Variants in ROBO2 observed in about 807,000 individuals in gnomAD.
The protein encoded by ROBO2 is roundabout homolog 2.
A neutral mutation model predicts 160.8 loss-of-function variants in ROBO2; 53 were observed. That is an observed-to-expected ratio of 0.33 (90% confidence interval 0.26 to 0.41). ROBO2 has a LOEUF of 0.41. Among genes scored for constraint, ROBO2 ranks in the 10% least tolerant of loss-of-function variants. The probability of loss-of-function intolerance (pLI) is 1.00; values close to 1 mark genes in which losing one functional copy is unlikely to be tolerated. For synonymous variants in ROBO2, 664 were observed against 611.7 expected, an observed-to-expected ratio of 1.09 and a Z score of -1.26; for missense variants, 1,577 against 1,722.4, an observed-to-expected ratio of 0.92 and a Z score of 1.49.
At chr3:76,990,524 T>C (rs1472644800) in intron 2 of ROBO2, among the ~76,000 whole-genome samples, 1 of 152,142 alleles carries the variant, frequency 6.6e-6, no homozygotes, top group African/African-American at 2.4e-5. Context: ...ATAACAGCCA[T>C]TGGAACTGTT....
At chr3:76,498,153 G>C (rs887935541) in intron 2 of ROBO2, among the ~76,000 whole-genome samples, 1 of 152,110 alleles carries the variant, frequency 6.6e-6, no homozygotes, top group African/African-American at 2.4e-5. Flanking sequence ...TTCAAAAAGT[G>C]TATATGTACT....
At chr3:77,502,495 ATTCTT>A (rs1400822220) in intron 5 of ROBO2, among the ~76,000 whole-genome samples, 1 of 152,152 alleles carries the variant, frequency 6.6e-6, no homozygotes, top group Non-Finnish European at 1.5e-5. Flanking sequence ...TTTAACTTGT[ATTCTT>A]TTCTTCTCAA....
intron 2 of ROBO2, among the ~76,000 whole-genome samples, chr3:76,513,259 C>G (rs1035641691): frequency 9.2e-5 from 14 of 152,206 alleles, no homozygotes; most frequent in Admixed American, 2.6e-4. Flanking sequence ...TTCTGTACCA[C>G]TCTCTTGTTT....
chr3:76,688,056 T>A (rs1207833106), intron 2 of ROBO2, among the ~76,000 whole-genome samples: 1 of 152,056 alleles, frequency 6.6e-6, no homozygotes, highest in Non-Finnish European at 1.5e-5. Context: ...AAATACTTCA[T>A]AAAGAAATTA....
intron 2 of ROBO2, among the ~76,000 whole-genome samples, chr3:76,106,013 A>G (rs2069912073): frequency 6.6e-6 from 1 of 152,140 alleles, no homozygotes; most frequent in Non-Finnish European, 1.5e-5. Flanking sequence ...ACACCATTTC[A>G]TTTCAGGTTA....
chr3:77,067,409 CA>C (rs1342712431), intron 1 of ROBO2, among the ~76,000 whole-genome samples: 1 of 152,128 alleles, frequency 6.6e-6, no homozygotes, highest in Non-Finnish European at 1.5e-5. Flanking sequence ...GTTAAGTCAG[CA>C]GACAACTGTG....
intron 2 of ROBO2, among the ~76,000 whole-genome samples, chr3:76,882,977 T>C (rs2073509423): frequency 6.6e-6 from 1 of 152,190 alleles, no homozygotes; most frequent in Admixed American, 6.5e-5. Context: ...GCGTTACTTG[T>C]ATCTGTAAAA....
chr3:76,629,911 A>G (rs9854874), intron 2 of ROBO2, among the ~76,000 whole-genome samples: 3,802 of 152,202 alleles, frequency 0.025, 160 homozygotes, highest in African/African-American at 0.087. Context: ...AGAATTCTGG[A>G]GGTTGCCAAT....
intron 2 of ROBO2, among the ~76,000 whole-genome samples, chr3:76,289,364 T>A (rs556657222): frequency 3.9e-5 from 6 of 152,332 alleles, no homozygotes; most frequent in Middle Eastern, 3.4e-3. Flanking sequence ...GCCTGCTAAT[T>A]TAAGTTCCTT....
At chr3:76,055,459 T>A (rs2067808070) in intron 2 of ROBO2, among the ~76,000 whole-genome samples, 5 of 152,182 alleles carry the variant, frequency 3.3e-5, no homozygotes, top group Admixed American at 3.3e-4. Context: ...GTGAACATTA[T>A]ACTCAATAGG....
chr3:76,550,344 AAGTAGT>A, intron 2 of ROBO2, among the ~76,000 whole-genome samples: 1 of 44,788 alleles, frequency 2.2e-5, no homozygotes, highest in South Asian at 8.0e-4. Flanking sequence ...TAGCCAATAA[AAGTAGT>A]CAGCCCTCTG....
At position 76,149,834 on chromosome 3, in the gene ROBO2, C is replaced by T. The variant is rs111661057; in HGVS notation, c.109+212232C>T. Among the ~76,000 whole-genome samples, 2,781 of 139,864 alleles carry T rather than the reference C, an allele frequency of 0.02. 173 individuals carry two copies. The East Asian group carries it at 0.21, about 11-fold the overall frequency. The allele number at this position is 139,864 out of a possible 152,430, so 91.8% of individuals were successfully genotyped here. A position where few individuals can be genotyped will look rare whatever the true frequency, so the allele number is the denominator to read the frequency against. ...CTAAAGCACACATCTGTCTAAAACACACATCTGTCTAAAGCACACATCATA... is the reference window on the plus strand; with the variant it reads ...CTAAAGCACACATCTGTCTAAAACATACATCTGTCTAAAGCACACATCATA... On this transcript the variant is annotated intron_variant, in intron 2 of 26. Transcript: ENST00000487694.
At chr3:77,293,422 G>A (rs1396640040) in intron 2 of ROBO2, among the ~76,000 whole-genome samples, 1 of 149,418 alleles carries the variant, frequency 6.7e-6, no homozygotes, top group Non-Finnish European at 1.5e-5. Flanking sequence ...GGTTAAACGG[G>A]TAAGCTGAGG....
rs372714745 is a variant in ROBO2, at chr3:77,409,381, A to G, written c.389-68033A>G. On this transcript the variant is annotated intron_variant, in intron 2 of 25. Coordinates refer to ENST00000461745, the Ensembl canonical transcript of ROBO2. Reference sequence around the variant, plus strand: ...TCATTTTGATTCTATAGGCTTTAAAATTAAATCAAACTCTAGGTAGCATTG... The same window carrying G: ...TCATTTTGATTCTATAGGCTTTAAAGTTAAATCAAACTCTAGGTAGCATTG... Among the ~76,000 whole-genome samples, 25 of 152,254 alleles carry G rather than the reference A, an allele frequency of 1.6e-4. No homozygotes were observed. In the South Asian group the frequency reaches 2.3e-3, roughly 14 times the overall value.
chr3:76,082,372 A>G (rs2068864884), intron 2 of ROBO2, among the ~76,000 whole-genome samples: 1 of 152,114 alleles, frequency 6.6e-6, no homozygotes, highest in African/African-American at 2.4e-5. Context: ...AAGTTATGCT[A>G]TATGTAGAGA....
Position 77,234,497 on chromosome 3 carries a change from CACAG to C in ROBO2, c.388+136161_388+136164del, listed in dbSNP as rs2087667742. ...GAAAAGAATACAATTAGGTGAATCG[CACAG>C]ACAATCTGCTTTTTTTTCAGCAATC... On this transcript the variant is annotated intron_variant, in intron 2 of 25. Coordinates refer to ENST00000461745, the Ensembl canonical transcript of ROBO2. Among the ~76,000 whole-genome samples, 4 of 152,162 alleles carry C rather than the reference CACAG, an allele frequency of 2.6e-5. 1 individual carries two copies. The South Asian group carries it at 8.3e-4, about 32-fold the overall frequency.
chr3:77,419,656 T>C (rs1438446719), intron 2 of ROBO2, among the ~76,000 whole-genome samples: 1 of 152,122 alleles, frequency 6.6e-6, no homozygotes, highest in Non-Finnish European at 1.5e-5. Context: ...ACTATGAGAG[T>C]AAATATTAAG....
At chr3:76,738,189 C>T (rs535961903) in intron 2 of ROBO2, among the ~76,000 whole-genome samples, 1 of 152,004 alleles carries the variant, frequency 6.6e-6, no homozygotes, top group East Asian at 1.9e-4. Flanking sequence ...ATATTTATTG[C>T]GTGCCTACTC....
chr3:77,635,069 T>A (rs780326990), intron 24 of ROBO2, 26 bp downstream of exon 25: 1 of 1,611,818 alleles, frequency 6.2e-7, no homozygotes, highest in Non-Finnish European at 8.5e-7. Context: ...TTACTCTTGT[T>A]TCCTCGCTGA....
Sources: gnomAD v4.1 joint callset for allele counts (sites outside exome capture counted in the v4.1 genomes callset) on GRCh38, gnomAD v4.1.1 for gene constraint, MANE v1.5 for transcripts, NCBI Gene and HGNC (gene_info 2026-07-23, HGNC 2026-07-21) for gene names.